RETREG1: variants seen among roughly 807,000 people sequenced by gnomAD.
RETREG1 encodes reticulophagy regulator 1.
RETREG1 carries 44 observed loss-of-function variants against 54.8 expected under a neutral mutation model. The ratio of observed to expected loss-of-function variants is 0.80; its 90% CI spans 0.63 to 1.03. The LOEUF (loss-of-function observed/expected upper bound fraction) is 1.03, where lower values mean the gene tolerates loss of function less well. Among genes scored for constraint, RETREG1 ranks in the 50% least tolerant of loss-of-function variants. The pLI, the probability that RETREG1 is intolerant of heterozygous loss-of-function variation, is 0.00. For missense variants in RETREG1, 554 were observed against 605.1 expected (o/e 0.92, Z 0.89); for synonymous variants, 217 against 238.5 (o/e 0.91, Z 0.83).
chr5:16,520,633 T>C (rs1337909433), intron 3 of RETREG1, among the ~76,000 whole-genome samples: 4 of 152,174 alleles, frequency 2.6e-5, no homozygotes, highest in African/African-American at 9.7e-5. Context: ...CAGCCAATAG[T>C]TTTTTTAAGA....
chr5:16,540,424 C>T (rs753863251), intron 3 of RETREG1, among the ~76,000 whole-genome samples: 4 of 152,072 alleles, frequency 2.6e-5, no homozygotes, highest in Non-Finnish European at 2.9e-5. Flanking sequence ...GGCTAAGTAA[C>T]GGATTCCTTT....
chr5:16,598,655 C>A (rs1742968293), intron 1 of RETREG1, among the ~76,000 whole-genome samples: 1 of 152,208 alleles, frequency 6.6e-6, no homozygotes, highest in Non-Finnish European at 1.5e-5. Flanking sequence ...TCATATTTGT[C>A]ATACCAAACT....
intron 3 of RETREG1, among the ~76,000 whole-genome samples, chr5:16,512,951 C>T (rs938053854): frequency 2.6e-5 from 4 of 151,954 alleles, no homozygotes; most frequent in Non-Finnish European, 5.9e-5. Context: ...AGGTAACTGC[C>T]AGGGCCCACT....
rs113532614 is a variant in RETREG1, at chr5:16,519,945, C to T, written c.459-36473G>A. ...TGTCATGGACCATCACTTTGGCCAG[C>T]GAGAGCTTCTCACCCCTTTCCTGTC... On this transcript the variant is annotated intron_variant, in intron 3 of 8. Coordinates refer to ENST00000306320, the MANE Select transcript of RETREG1 (RefSeq NM_001034850.3). Among the ~76,000 whole-genome samples, 6 of 152,320 alleles carry T rather than the reference C, an allele frequency of 3.9e-5. 1 individual carries two copies. Among genetic ancestry groups the T allele is most frequent in the African/African-American group, 1.2e-4 (5 of 41,572 alleles).
chr5:16,482,693 T>C (rs1358721341), intron 4 of RETREG1, among the ~76,000 whole-genome samples: 2 of 152,204 alleles, frequency 1.3e-5, no homozygotes, highest in East Asian at 3.9e-4. Flanking sequence ...GGTCTATTGA[T>C]GGTTCTGCAC....
In RETREG1 at chr5:16,474,662, TCTTTTC is replaced by T; in HGVS notation, c.*73_*78del. 1 of 1,491,358 alleles carries T rather than the reference TCTTTTC, an allele frequency of 6.7e-7. No individual in the cohort carries two copies. The highest frequency in any genetic ancestry group is 9.1e-7 in the Non-Finnish European group (1 of 1,104,524). 92.4% of individuals were successfully genotyped at this position (1,491,358 alleles called of 1,614,324 possible). On this transcript the variant is annotated 3_prime_UTR_variant, in exon 9 of 9. Transcript: ENST00000306320. Reference sequence around the variant, plus strand: ...ATTAAAGCTTACAGTTCAATTTTTTTCTTTTCCTTTTTTTTTTTTTTTTCTTGTTTG... The same window carrying T: ...ATTAAAGCTTACAGTTCAATTTTTTTCTTTTTTTTTTTTTTTTCTTGTTTG...
At chr5:16,555,154 A>G (rs536593611) in intron 3 of RETREG1, among the ~76,000 whole-genome samples, 24 of 147,318 alleles carry the variant, frequency 1.6e-4, no homozygotes, top group Admixed American at 9.9e-4. Flanking sequence ...CTATTTATTA[A>G]TTTATTTTTA....
chr5:16,566,515 G>A (rs1742018283), intron 2 of RETREG1, among the ~76,000 whole-genome samples: 1 of 152,174 alleles, frequency 6.6e-6, no homozygotes, highest in Admixed American at 6.5e-5. Context: ...AAATGATCAT[G>A]AGGAAGCTTC....
intron 3 of RETREG1, among the ~76,000 whole-genome samples, chr5:16,564,883 T>G (rs547361366): frequency 2.6e-5 from 4 of 152,352 alleles, no homozygotes; most frequent in African/African-American, 9.6e-5. Flanking sequence ...AAAGGTGCGT[T>G]ACATAAAATA....
intron 3 of RETREG1, among the ~76,000 whole-genome samples, chr5:16,527,355 C>T (rs1472811431): frequency 6.6e-6 from 1 of 152,210 alleles, no homozygotes; most frequent in African/African-American, 2.4e-5. Context: ...TCACCTTATA[C>T]ATCTGAACAC....
chr5:16,613,310 A>T (rs1743401812), intron 1 of RETREG1, among the ~76,000 whole-genome samples: 1 of 152,208 alleles, frequency 6.6e-6, no homozygotes, highest in Non-Finnish European at 1.5e-5. Context: ...TGTATTCCTC[A>T]GGGTTAGAAT....
intron 4 of RETREG1, 29 bp from the exon 5 acceptor site, chr5:16,481,122 G>A: frequency 1.3e-6 from 2 of 1,496,264 alleles, no homozygotes; most frequent in African/African-American, 2.8e-5. Flanking sequence ...ACATGGGATA[G>A]TTAAGCATAA....
chr5:16,553,729 T>C (rs761589671), intron 3 of RETREG1, among the ~76,000 whole-genome samples: 3 of 152,064 alleles, frequency 2.0e-5, no homozygotes, highest in Non-Finnish European at 4.4e-5. Flanking sequence ...TCAGTCCTGA[T>C]TGGATAATAG....
At chr5:16,490,046 A>T (rs1433695193) in intron 3 of RETREG1, among the ~76,000 whole-genome samples, 1 of 152,212 alleles carries the variant, frequency 6.6e-6, no homozygotes, top group Non-Finnish European at 1.5e-5. Flanking sequence ...ATTTGAGGAG[A>T]TAATTACCAA....
At chr5:16,484,166 T>C (rs533997521) in intron 3 of RETREG1, among the ~76,000 whole-genome samples, 6 of 152,156 alleles carry the variant, frequency 3.9e-5, no homozygotes, top group Non-Finnish European at 8.8e-5. Flanking sequence ...TTGAGTGTGA[T>C]GCATGGGCCG....
At chr5:16,566,845 G>A (rs899990513) in intron 2 of RETREG1, among the ~76,000 whole-genome samples, 2 of 152,198 alleles carry the variant, frequency 1.3e-5, no homozygotes, top group Non-Finnish European at 2.9e-5. Flanking sequence ...CTTGTTGGAG[G>A]AAGGTGGCAT....
At chr5:16,540,573 C>T (rs1273389780) in intron 3 of RETREG1, among the ~76,000 whole-genome samples, 1 of 152,188 alleles carries the variant, frequency 6.6e-6, no homozygotes, top group Non-Finnish European at 1.5e-5. Flanking sequence ...AAGATGCAGA[C>T]TTGGTAATGA....
intron 3 of RETREG1, among the ~76,000 whole-genome samples, chr5:16,484,803 T>G (rs957925522): frequency 3.3e-5 from 5 of 152,198 alleles, no homozygotes; most frequent in Non-Finnish European, 5.9e-5. Flanking sequence ...ACTAATGCTC[T>G]GGAGAGTCAC....
intron 3 of RETREG1, among the ~76,000 whole-genome samples, chr5:16,486,606 A>G (rs1739029927): frequency 6.6e-6 from 1 of 152,242 alleles, no homozygotes; most frequent in Non-Finnish European, 1.5e-5. Flanking sequence ...ACCCAAGGCC[A>G]GGACTCTGGG....
Sources: gnomAD v4.1 joint callset for allele counts (sites outside exome capture counted in the v4.1 genomes callset) on GRCh38, gnomAD v4.1.1 for gene constraint, MANE v1.5 for transcripts, NCBI Gene and HGNC (gene_info 2026-07-23, HGNC 2026-07-21) for gene names.